The following CEMIP variants were observed in gnomAD, a reference collection of about 807,000 sequenced individuals.
CEMIP encodes the protein cell migration inducing hyaluronidase 1, also known as cell migration-inducing and hyaluronan-binding protein.
CEMIP carries 105 observed loss-of-function variants against 156.9 expected under a neutral mutation model. That is an observed-to-expected ratio of 0.67 (90% CI 0.57 to 0.79). The LOEUF is 0.79. Ranked by LOEUF, CEMIP falls within the 30% of genes least tolerant of loss-of-function variation. The pLI is 0.00. For synonymous variants in CEMIP, 676 were observed against 668.4 expected (o/e 1.01, Z -0.17); for missense variants, 1,457 against 1,769.4 (o/e 0.82, Z 3.17).
rs534254194 is a variant in CEMIP, at chr15:80,814,338, T to C, written c.-176+34724T>C. Among the ~76,000 whole-genome samples the C allele has an allele frequency of 8.5e-5, 13 of 152,264 alleles. No homozygotes were observed. In the South Asian group the frequency reaches 1.7e-3, roughly 19 times the overall value. ...TGCTAGGATTACAGGTGTGAGCCAC[T>C]GAGCCCGGCCTAAACTCTTTGGCTT... On this transcript the variant is annotated intron_variant, in intron 1 of 29. Transcript: ENST00000394685.
intron 13 of CEMIP, among the ~76,000 whole-genome samples, chr15:80,907,547 G>A (rs2141890102): frequency 6.6e-6 from 1 of 152,328 alleles, no homozygotes; most frequent in South Asian, 2.1e-4. Flanking sequence ...GTGACAGAGT[G>A]AGACTCCATC....
intron 3 of CEMIP, among the ~76,000 whole-genome samples, chr15:80,874,595 T>C (rs931468425): frequency 1.3e-5 from 2 of 152,230 alleles, no homozygotes; most frequent in East Asian, 3.8e-4. Flanking sequence ...TTAAAGTACT[T>C]TTCAGCTGTA....
chr15:80,900,823 C>T (rs376079563), intron 12 of CEMIP: 1 of 380,958 alleles, frequency 2.6e-6, no homozygotes. Context: ...GAGCCCCACC[C>T]ACCCACCTAG....
At chr15:80,902,782 T>C (rs1899624967) in intron 12 of CEMIP, among the ~76,000 whole-genome samples, 1 of 152,064 alleles carries the variant, frequency 6.6e-6, no homozygotes, top group Non-Finnish European at 1.5e-5. Context: ...CCAACTCCCA[T>C]TATTATAGGT....
At chr15:80,841,244 C>T (rs991665621) in intron 1 of CEMIP, among the ~76,000 whole-genome samples, 5 of 152,182 alleles carry the variant, frequency 3.3e-5, no homozygotes, top group African/African-American at 7.2e-5. Flanking sequence ...CTATGCAGGA[C>T]GACCTATACA....
At position 80,921,058 on chromosome 15, in the gene CEMIP, A is replaced by G. The variant is rs368087847; in HGVS notation, c.2030A>G (p.Asn677Ser). ...CNAVSTFWMA[N>S]PNNNLINCAA... ...GCTGTGTCCACCTTCTGGATGGCCAATCCCAACAACAACCTCATCAACTGT... is the reference window on the plus strand; with the variant it reads ...GCTGTGTCCACCTTCTGGATGGCCAGTCCCAACAACAACCTCATCAACTGT... The change falls in exon 16 of 30, where the codon AAT (asparagine) becomes AGT (serine). Residue 677 changes from asparagine to serine, a missense_variant. Coordinates refer to ENST00000394685, the MANE Select transcript of CEMIP (RefSeq NM_001293298.2). 1.6e-5 allele frequency: 26 copies of G among 1,614,042 alleles called. No homozygotes were observed. Among genetic ancestry groups the G allele is most frequent in the African/African-American group, 1.2e-4 (9 of 74,902 alleles).
At chr15:80,789,978 G>A (rs1896038590) in intron 1 of CEMIP, among the ~76,000 whole-genome samples, 1 of 152,164 alleles carries the variant, frequency 6.6e-6, no homozygotes, top group African/African-American at 2.4e-5. Flanking sequence ...GGGAACGAGG[G>A]GCAGAGAGGC....
intron 13 of CEMIP, among the ~76,000 whole-genome samples, chr15:80,908,710 C>T (rs1567095204): frequency 6.6e-6 from 1 of 152,112 alleles, no homozygotes; most frequent in East Asian, 1.9e-4. Flanking sequence ...ACCTGGATTC[C>T]CCATGGTCAT....
At chr15:80,801,594 T>C (rs761171716) in intron 1 of CEMIP, among the ~76,000 whole-genome samples, 1 of 152,206 alleles carries the variant, frequency 6.6e-6, no homozygotes, top group Non-Finnish European at 1.5e-5. Flanking sequence ...ATTTAGACTC[T>C]ACCTTTTAAT....
At chr15:80,868,454 G>A (rs1361417254) in intron 1 of CEMIP, among the ~76,000 whole-genome samples, 1 of 152,118 alleles carries the variant, frequency 6.6e-6, no homozygotes, top group Non-Finnish European at 1.5e-5. Flanking sequence ...ACCCTTGGCA[G>A]CACCTCAGCC....
chr15:80,925,568 A>C, intron 18 of CEMIP, 56 bp from the exon 19 acceptor site: 1 of 1,602,406 alleles, frequency 6.2e-7, no homozygotes, highest in Non-Finnish European at 8.5e-7. Context: ...GAAGGGAGTC[A>C]GCAGAGGCGT....
At chr15:80,931,363 G>A (rs546098466) in intron 21 of CEMIP, among the ~76,000 whole-genome samples, 5 of 152,284 alleles carry the variant, frequency 3.3e-5, no homozygotes, top group African/African-American at 1.2e-4. Context: ...ACTCATGTGG[G>A]TCTTAATCTG....
intron 25 of CEMIP, among the ~76,000 whole-genome samples, chr15:80,939,225 G>C (rs1247112092): frequency 6.6e-6 from 1 of 152,166 alleles, no homozygotes; most frequent in East Asian, 1.9e-4. Context: ...TCCCCACATA[G>C]GGCCCAGCCC....
intron 1 of CEMIP, among the ~76,000 whole-genome samples, chr15:80,870,408 C>A (rs934224931): frequency 6.6e-6 from 1 of 152,212 alleles, no homozygotes; most frequent in Non-Finnish European, 1.5e-5. Flanking sequence ...TCTGTAGCCT[C>A]TCTGGGCAGC....
intron 1 of CEMIP, among the ~76,000 whole-genome samples, chr15:80,849,897 C>G (rs1008936551): frequency 1.3e-5 from 2 of 152,328 alleles, no homozygotes; most frequent in Non-Finnish European, 2.9e-5. Flanking sequence ...CCCACTGCGC[C>G]TGATACATGC....
rs57724852 is a variant in CEMIP, at chr15:80,900,585, GGTGTGTGTGTGTGTGT to G, written c.1411+4574_1411+4589del. Among the ~76,000 whole-genome samples, 188 of 74,974 alleles carry G rather than the reference GGTGTGTGTGTGTGTGT, an allele frequency of 2.5e-3. 1 individual carries two copies. The highest frequency in any genetic ancestry group is 8.8e-3 in the South Asian group (17 of 1,942). The allele number at this position is 74,974 out of a possible 152,430, so 49.2% of individuals were successfully genotyped here. ...CAGCACCAGAAAAGCCCCAGGTAGG[GGTGTGTGTGTGTGTGT>G]GTGTGTGTGTGTGTGTGTGTGTGTG... is the stretch of plus-strand genomic sequence containing the variant. On this transcript the variant is annotated intron_variant, in intron 12 of 29. Coordinates refer to ENST00000394685, the MANE Select transcript of CEMIP (RefSeq NM_001293298.2).
In CEMIP at chr15:80,943,046, C is replaced by A. The variant is rs766424826; in HGVS notation, c.3801C>A (p.Ser1267=). Residue 1267 remains serine (S), a synonymous_variant, in exon 28 of 30, where the codon TCC becomes TCA. Transcript: ENST00000394685. The part of the protein sequence containing the change: ...RVVSHTSFRN[S]ILQGIPWQLF... Reference sequence around the variant, plus strand: ...TGAGCCACACGAGCTTCAGGAACTCCATTCTGCAAGGCATACCATGGCAGC... The same window carrying A: ...TGAGCCACACGAGCTTCAGGAACTCAATTCTGCAAGGCATACCATGGCAGC... 1 of 1,614,236 alleles carries A rather than the reference C, an allele frequency of 6.2e-7. No homozygotes were observed. The highest frequency in any genetic ancestry group is 2.2e-5 in the East Asian group (1 of 44,880).
intron 1 of CEMIP, among the ~76,000 whole-genome samples, chr15:80,829,990 G>GTGTGTGTGTGTGTGTGTGTGTT (rs112056985): frequency 1.1e-3 from 157 of 149,272 alleles, no homozygotes; most frequent in African/African-American, 3.8e-3. Flanking sequence ...GTGTGTGTGT[G>GTGTGTGTGTGTGTGTGTGTGTT]TGTGTGTGTG....
At chr15:80,892,187 C>T (rs1450866773) in intron 10 of CEMIP, among the ~76,000 whole-genome samples, 1 of 152,086 alleles carries the variant, frequency 6.6e-6, no homozygotes, top group Non-Finnish European at 1.5e-5. Context: ...CCCGGCATAC[C>T]TGCCATGCAC....
Sources: gnomAD v4.1 joint callset for allele counts (sites outside exome capture counted in the v4.1 genomes callset) on GRCh38, gnomAD v4.1.1 for gene constraint, MANE v1.5 for transcripts, NCBI Gene and HGNC (gene_info 2026-07-23, HGNC 2026-07-21) for gene names.